LMNTD2: variants seen among roughly 807,000 people sequenced by gnomAD.
The protein encoded by LMNTD2 is lamin tail domain containing 2, also known as lamin tail domain-containing protein 2.
LMNTD2 carries 83 observed loss-of-function variants against 70.1 expected under a neutral mutation model. The ratio of observed to expected loss-of-function variants is 1.18; its 90% CI spans 0.99 to 1.42. The LOEUF (loss-of-function observed/expected upper bound fraction) is 1.42, where lower values mean the gene tolerates loss of function less well. Ranked by LOEUF, LMNTD2 falls within the 40% of genes most tolerant of loss-of-function variation. The pLI is 0.00. For synonymous variants in LMNTD2, 534 were observed against 406.1 expected, an observed-to-expected ratio of 1.31 and a Z score of -3.79; for missense variants, 1,153 against 905.9, an observed-to-expected ratio of 1.27 and a Z score of -3.50.
chr11:557,923 C>A lies in LMNTD2; in HGVS notation c.516G>T (p.Trp172Cys), dbSNP rs372347605. 2.8e-5 allele frequency: 44 copies of A among 1,587,164 alleles called. 1 individual carries two copies. Among genetic ancestry groups the A allele is most frequent in the Non-Finnish European group, 3.8e-5 (44 of 1,167,264 alleles). ...TCTGGGATCGTAGCATGCGGCCCACCCACGAGGAGCGGGCCAGCTGCAGGA... is the reference window on the plus strand; with the variant it reads ...TCTGGGATCGTAGCATGCGGCCCACACACGAGGAGCGGGCCAGCTGCAGGA... Reference protein sequence around the residue: ...SCLLQLARSSWVGRMLRSQTG... With the variant: ...SCLLQLARSSCVGRMLRSQTG... The change falls in exon 5 of 14, where the codon TGG (tryptophan) becomes TGT (cysteine). Residue 172 changes from tryptophan (W) to cysteine (C), a missense_variant. By Grantham distance (215) the Trp-to-Cys change is radical. Transcript: ENST00000329451.
In LMNTD2 at chr11:560,702, C is replaced by A; in HGVS notation, c.15G>T (p.Arg5=). Reference sequence around the variant, plus strand: ...ACCTACCCCGACGCCTGCCCGCGGGCCGCAGCCACCGCATTTCCGCGTTTT... The same window carrying A: ...ACCTACCCCGACGCCTGCCCGCGGGACGCAGCCACCGCATTTCCGCGTTTT... MRWL[R]PAGRRREQES... The change falls in exon 1 of 14, where the codon CGG becomes CGT. Residue 5 remains arginine (R), a synonymous_variant. Coordinates refer to ENST00000329451, the MANE Select transcript of LMNTD2 (RefSeq NM_173573.3). The A allele has an allele frequency of 6.9e-7, 1 of 1,441,338 alleles. No homozygotes were observed. Among genetic ancestry groups the A allele is most frequent in the Non-Finnish European group, 9.2e-7 (1 of 1,090,330 alleles). 89.3% of individuals were successfully genotyped at this position (1,441,338 alleles called of 1,614,324 possible).
Position 558,784 on chromosome 11 carries a change from C to G in LMNTD2, c.159-18G>C, listed in dbSNP as rs371081557. ...GAGCCAACCTGCAGCGGCAGCAGAC[C>G]CTGCTGCTTACTCAGGCCGGCCCCT... On this transcript the variant is annotated intron_variant, in intron 2 of 13. Transcript: ENST00000329451. 7.9e-5 allele frequency: 127 copies of G among 1,601,402 alleles called. No individual in the cohort carries two copies. The highest frequency in any genetic ancestry group is 1.0e-4 in the Non-Finnish European group (121 of 1,171,358).
chr11:558,191 C>T lies in LMNTD2; in HGVS notation c.369G>A (p.Glu123=), dbSNP rs778738895. ...GGGCTCGCTCCTTCTGTTCCTTCAA[C>T]TCCTGGATCAGCTTCTGGACCTGGT... ...LQNQVQKLIQ[E]LKEQKERAQW... Residue 123 remains glutamate (E), a synonymous_variant, in exon 4 of 14, where the codon GAG becomes GAA. Coordinates refer to ENST00000329451, the MANE Select transcript of LMNTD2 (RefSeq NM_173573.3). 1.1e-5 allele frequency: 17 copies of T among 1,613,474 alleles called. No individual in the cohort carries two copies. Among genetic ancestry groups the T allele is most frequent in the African/African-American group, 2.7e-5 (2 of 74,942 alleles).
At chr11:558,138 C>A in intron 4 of LMNTD2, 23 bp downstream of exon 4, 1 of 1,612,228 alleles carries the variant, frequency 6.2e-7, no homozygotes, top group Non-Finnish European at 8.5e-7. Context: ...GGACCCTGCC[C>A]ACTCCCTGTG....
chr11:557,089 C>G lies in LMNTD2; in HGVS notation c.722G>C (p.Arg241Pro). Residue 241 changes from arginine (R) to proline (P), a missense_variant, in exon 8 of 14, where the codon CGG (arginine) becomes CCG (proline). Transcript: ENST00000329451. ...CCCTGTGTCCAGCTGTGGCCAGGGCCGGGGCTGCCTGTGGACCACGCTCTG... is the reference window on the plus strand; with the variant it reads ...CCCTGTGTCCAGCTGTGGCCAGGGCGGGGGCTGCCTGTGGACCACGCTCTG... ...MEPSSKQKQPRPWPQLDTGSP... is the reference protein window; with the variant it reads ...MEPSSKQKQPPPWPQLDTGSP... 6.3e-7 allele frequency: 1 copy of G among 1,594,424 alleles called. No homozygotes were observed. Among genetic ancestry groups the G allele is most frequent in the South Asian group, 1.1e-5 (1 of 89,308 alleles).
chr11:559,539 C>G, intron 1 of LMNTD2: 3 of 1,229,808 alleles, frequency 2.4e-6, no homozygotes, highest in Non-Finnish European at 3.1e-6. Flanking sequence ...CTCAGCTTAG[C>G]GGGGGGACCA....
rs369896711 is a variant in LMNTD2, at chr11:558,918, A to C, written c.96T>G (p.Thr32=). The change falls in exon 2 of 14, where the codon ACT becomes ACG. Residue 32 remains threonine (T), a synonymous_variant. Transcript: ENST00000329451. ...PPAGAPAAPE[T]PTCLPDTTPH... ...GCGTGGTGTCTGGCAGGCACGTGGG[A>C]GTCTCGGGGGCTGCAGGTGCGCCTG... 4 of 1,609,482 alleles carry C rather than the reference A, an allele frequency of 2.5e-6. No homozygotes were observed. Among genetic ancestry groups the C allele is most frequent in the Admixed American group, 3.3e-5 (2 of 60,008 alleles).
chr11:557,495 G>A lies in LMNTD2; in HGVS notation c.625-8C>T. On this transcript the variant is annotated splice_region_variant and splice_polypyrimidine_tract_variant and intron_variant, in intron 6 of 13. Coordinates refer to ENST00000329451, the MANE Select transcript of LMNTD2 (RefSeq NM_173573.3). ...GTCCTCCAGCCGAAAGCCCTGGCCA[G>A]GAAGCAAGAGGCACATGGTCCTCCC... The A allele has an allele frequency of 6.2e-7, 1 of 1,613,036 alleles. No individual in the cohort carries two copies. The highest frequency in any genetic ancestry group is 8.5e-7 in the Non-Finnish European group (1 of 1,179,652).
chr11:555,230 G>A (rs1433226667), intron 13 of LMNTD2, 75 bp downstream of exon 13: 28 of 912,622 alleles, frequency 3.1e-5, no homozygotes, highest in Non-Finnish European at 3.9e-5. Context: ...GAGACAGAGG[G>A]GAGGGAGGGG....
Position 555,034 on chromosome 11 carries a change from G to T in LMNTD2, c.1851C>A (p.Gly617=). 1 of 1,594,060 alleles carries T rather than the reference G, an allele frequency of 6.3e-7. No homozygotes were observed. Residue 617 remains glycine (G), a synonymous_variant, in exon 14 of 14, where the codon GGC becomes GGA. Transcript: ENST00000329451. The stretch of plus-strand genomic sequence containing the variant: ...CCGGCAGGCAGCTGAGGAAGCGGAA[G>T]CCGAATCTGCTCTCCGCCGTGTTCT... ...SVQNTAESRF[G]FRFLSCLPVT...
Position 555,023 on chromosome 11 carries a change from A to C in LMNTD2, c.1862T>G (p.Leu621Arg). Residue 621 changes from leucine to arginine, a missense_variant, in exon 14 of 14, where the codon CTC becomes CGC. Transcript: ENST00000329451. ...GTCCGCGGTGACCGGCAGGCAGCTG[A>C]GGAAGCGGAAGCCGAATCTGCTCTC... ...TAESRFGFRF[L>R]SCLPVTADTC... The C allele has an allele frequency of 6.3e-7, 1 of 1,592,754 alleles. No individual in the cohort carries two copies. Among genetic ancestry groups the C allele is most frequent in the Non-Finnish European group, 8.5e-7 (1 of 1,173,032 alleles).
rs372174054 is a variant in LMNTD2 at position 558,750 on chromosome 11, G to A, written c.175C>T (p.Leu59=). ...AGCAGCCGCAGTGTGCGAGGGTCCA[G>A]GGACTCAAGAGCCAACCTGCAGCGG... The part of the protein sequence containing the change: ...SADPQLALES[L]DPRTLRLLWR... The change falls in exon 3 of 14, where the codon CTG becomes TTG. Residue 59 remains leucine, a synonymous_variant. Coordinates refer to ENST00000329451, the MANE Select transcript of LMNTD2 (RefSeq NM_173573.3). 34 of 1,607,206 alleles carry A rather than the reference G, an allele frequency of 2.1e-5. No individual in the cohort carries two copies. Among genetic ancestry groups the A allele is most frequent in the African/African-American group, 2.0e-4 (15 of 74,948 alleles).
Position 556,241 on chromosome 11 carries a change from A to G in LMNTD2, c.1208T>C (p.Leu403Pro). 2.0e-6 allele frequency: 3 copies of G among 1,527,316 alleles called. No homozygotes were observed. The highest frequency in any genetic ancestry group is 2.6e-6 in the Non-Finnish European group (3 of 1,143,138). 94.6% of individuals were successfully genotyped at this position (1,527,316 alleles called of 1,614,324 possible). A position where few individuals can be genotyped will look rare whatever the true frequency, so the allele number is the denominator to read the frequency against. The change falls in exon 10 of 14, where the codon CTG becomes CCG. Residue 403 changes from leucine to proline, a missense_variant. Coordinates refer to ENST00000329451, the MANE Select transcript of LMNTD2 (RefSeq NM_173573.3). ...KQLVRGFPER[L>P]YRFPPGTLLA... ...CAGCGTGCCCGGCGGGAAGCGGTAC[A>G]GGCGCTCCGGGAAGCCGCGCACCAG...
rs768473572 is a variant in LMNTD2, at chr11:556,236, G to C, written c.1213C>G (p.Arg405Gly). 1 of 1,512,564 alleles carries C rather than the reference G, an allele frequency of 6.6e-7. No homozygotes were observed. Among genetic ancestry groups the C allele is most frequent in the South Asian group, 1.2e-5 (1 of 82,310 alleles). 93.7% of individuals were successfully genotyped at this position (1,512,564 alleles called of 1,614,324 possible). A position where few individuals can be genotyped will look rare whatever the true frequency, so the allele number is the denominator to read the frequency against. ...LVRGFPERLYRFPPGTLLAPR... is the reference protein window; with the variant it reads ...LVRGFPERLYGFPPGTLLAPR... ...GCCAGCAGCGTGCCCGGCGGGAAGC[G>C]GTACAGGCGCTCCGGGAAGCCGCGC... is the stretch of plus-strand genomic sequence containing the variant. Residue 405 changes from arginine to glycine, a missense_variant, in exon 10 of 14, where the codon CGC (arginine) becomes GGC (glycine). Physicochemically the swap from Arg to Gly is moderately radical, Grantham distance 125 (BLOSUM62 -2). Transcript: ENST00000329451.
chr11:558,369 C>G, intron 3 of LMNTD2, 121 bp from the exon 4 acceptor site: 2 of 1,198,158 alleles, frequency 1.7e-6, no homozygotes, highest in East Asian at 2.5e-5. Context: ...CAAGGGCACA[C>G]AGTACAGCCC....
rs1158123148 is a variant in LMNTD2, at chr11:557,623, A to T, written c.573T>A (p.Thr191=). Residue 191 remains threonine (T), a synonymous_variant, in exon 6 of 14, where the codon ACT becomes ACA. Transcript: ENST00000329451. The part of the protein sequence containing the change: ...TGSVEVVTAE[T]LMDPSDLSEN... ...CAGAGAGGTCGCTTGGGTCCATCAG[A>T]GTCTCTGCCGTCACTACCTGCAAGA... 2 of 1,613,138 alleles carry T rather than the reference A, an allele frequency of 1.2e-6. No individual in the cohort carries two copies. Among genetic ancestry groups the T allele is most frequent in the South Asian group, 1.1e-5 (1 of 91,084 alleles).
rs1321850468 is a variant in LMNTD2, at chr11:557,404, C to G, written c.708G>C (p.Lys236Asn). 1 of 1,601,750 alleles carries G rather than the reference C, an allele frequency of 6.2e-7. No homozygotes were observed. The highest frequency in any genetic ancestry group is 1.7e-5 in the Admixed American group (1 of 58,262). The change falls in exon 7 of 14, where the codon AAG becomes AAC. Residue 236 changes from lysine (K) to asparagine (N), a missense_variant. Lys to Asn is a moderately conservative substitution (Grantham distance 94). Transcript: ENST00000329451. ...TCCCTGCTCTGTGCAGTTACTTTTG[C>G]TTTGAGCTGGGCTCCATGTTGGTGA... is the stretch of plus-strand genomic sequence containing the variant. ...NLFTNMEPSS[K>N]QKQPRPWPQL...
rs144777828 is a variant in LMNTD2 at position 556,941 on chromosome 11, C to G, written c.870G>C (p.Pro290=). ...GADSDSSSCR[P]GLPSFVQVIG... Reference sequence around the variant, plus strand: ...TCACCTGCACGAAGGAAGGCAGGCCCGGCCGGCAGCTGCTGGAGTCGGAGT... The same window carrying G: ...TCACCTGCACGAAGGAAGGCAGGCCGGGCCGGCAGCTGCTGGAGTCGGAGT... The change falls in exon 8 of 14, where the codon CCG becomes CCC. Residue 290 remains proline, a synonymous_variant. Coordinates refer to ENST00000329451, the MANE Select transcript of LMNTD2 (RefSeq NM_173573.3). 2.5e-6 allele frequency: 4 copies of G among 1,600,546 alleles called. No individual in the cohort carries two copies. The African/African-American group carries it at 4.0e-5, about 16-fold the overall frequency.
intron 2 of LMNTD2, 33 bp downstream of exon 2, chr11:558,823 A>AG (rs776672642): frequency 1.3e-6 from 2 of 1,596,652 alleles, no homozygotes; most frequent in Admixed American, 3.4e-5. Flanking sequence ...CACCTGGCCC[A>AG]GGAGGCTCAC....
Sources: gnomAD v4.1 joint callset for allele counts on GRCh38, gnomAD v4.1.1 for gene constraint, MANE v1.5 for transcripts, NCBI Gene and HGNC (gene_info 2026-07-23, HGNC 2026-07-21) for gene names.